Variants in CPNE4 observed in about 807,000 individuals in gnomAD.
CPNE4 encodes the protein copine-4.
In CPNE4, 25 loss-of-function variants were observed where a neutral mutation model predicts 67.9. That is an observed-to-expected ratio of 0.37 (90% CI 0.27 to 0.51). CPNE4 has a LOEUF of 0.51. CPNE4 is among the 20% of genes least tolerant of loss of function. The probability of loss-of-function intolerance (pLI) is 0.93; values close to 1 mark genes in which losing one functional copy is unlikely to be tolerated. For synonymous variants in CPNE4, 242 were observed against 244.9 expected (o/e 0.99, Z 0.11); for missense variants, 464 against 690.8 (o/e 0.67, Z 3.68).
intron 1 of CPNE4, among the ~76,000 whole-genome samples, chr3:131,932,652 T>C (rs1173570356): frequency 6.6e-5 from 10 of 151,824 alleles, no homozygotes; most frequent in Admixed American, 6.6e-4. Flanking sequence ...AAATAATTGA[T>C]AGAACACTTC....
chr3:131,744,121 C>A (rs2082428770), intron 2 of CPNE4, among the ~76,000 whole-genome samples: 1 of 151,354 alleles, frequency 6.6e-6, no homozygotes. Context: ...TTTAAAATAG[C>A]TAAAATGACT....
chr3:131,765,764 G>C (rs1159219155), intron 2 of CPNE4, among the ~76,000 whole-genome samples: 2 of 152,014 alleles, frequency 1.3e-5, no homozygotes, highest in African/African-American at 4.8e-5. Context: ...CTGAAGCTGA[G>C]GCAAATCTAG....
chr3:131,707,121 T>A (rs12634513), intron 3 of CPNE4, among the ~76,000 whole-genome samples: 12,119 of 152,270 alleles, frequency 0.08, 653 homozygotes, highest in Non-Finnish European at 0.11. Flanking sequence ...ACCAAATATA[T>A]TCACTTGCTA....
chr3:131,933,053 G>A (rs2071117984), intron 1 of CPNE4, among the ~76,000 whole-genome samples: 1 of 152,154 alleles, frequency 6.6e-6, no homozygotes, highest in African/African-American at 2.4e-5. Context: ...CAACATGGCT[G>A]ACACACTGAG....
chr3:132,037,295 C>CAT (rs10684727), upstream of CPNE4, among the ~76,000 whole-genome samples: 141,094 of 152,206 alleles, frequency 0.93, 65,672 homozygotes, highest in African/African-American at 0.98. Context: ...GCGCAGAAAA[C>CAT]GTGCAGCTTT....
intron 6 of CPNE4, among the ~76,000 whole-genome samples, chr3:131,670,816 G>GA (rs1467681436): frequency 3.5e-5 from 1 of 28,414 alleles, no homozygotes; most frequent in Non-Finnish European, 7.0e-5. Context: ...GGAATTTTTT[G>GA]TTTTTTTTTT....
chr3:131,803,383 T>A lies in CPNE4; in HGVS notation c.181-79758A>T, dbSNP rs75513812. On this transcript the variant is annotated intron_variant, in intron 2 of 15. Transcript: ENST00000429747. The stretch of plus-strand genomic sequence containing the variant: ...CAGTCAGTCCTACTCATTTAGTTTG[T>A]TATCTCTTTCTAGAGAACAAAAGCA... 2.6e-5 allele frequency among the ~76,000 whole-genome samples: 4 copies of A among 152,362 alleles called. No individual in the cohort carries two copies. In the East Asian group the frequency reaches 7.7e-4, roughly 29 times the overall value.
intron 2 of CPNE4, among the ~76,000 whole-genome samples, chr3:131,730,274 C>G (rs769835322): frequency 6.6e-6 from 1 of 151,906 alleles, no homozygotes; most frequent in Non-Finnish European, 1.5e-5. Flanking sequence ...CAATTTTTTT[C>G]TTTCCTAGGG....
At chr3:131,753,817 A>G (rs193089895) in intron 2 of CPNE4, among the ~76,000 whole-genome samples, 2 of 152,256 alleles carry the variant, frequency 1.3e-5, no homozygotes, top group East Asian at 1.9e-4. Context: ...TCATACATTA[A>G]TGGTGGGAAT....
chr3:131,541,423 C>T (rs574256942), intron 15 of CPNE4, among the ~76,000 whole-genome samples: 34 of 152,266 alleles, frequency 2.2e-4, no homozygotes, highest in Non-Finnish European at 4.6e-4. Flanking sequence ...TCTAATGGTT[C>T]TGCCTCAAGG....
At chr3:131,979,627 T>TA (rs1384084060) in intron 1 of CPNE4, among the ~76,000 whole-genome samples, 1 of 152,206 alleles carries the variant, frequency 6.6e-6, no homozygotes. Context: ...CGTGACTTTT[T>TA]ATCCATTCTG....
intron 7 of CPNE4, among the ~76,000 whole-genome samples, chr3:131,619,108 T>C (rs1940325325): frequency 6.6e-6 from 1 of 152,004 alleles, no homozygotes. Flanking sequence ...GATATGATTG[T>C]AGGTAAAATA....
chr3:131,988,988 T>C (rs974206774), intron 1 of CPNE4, among the ~76,000 whole-genome samples: 1 of 152,202 alleles, frequency 6.6e-6, no homozygotes, highest in African/African-American at 2.4e-5. Flanking sequence ...TTAGGACTCA[T>C]AAACTAATAG....
intron 2 of CPNE4, among the ~76,000 whole-genome samples, chr3:131,818,904 A>C (rs1486585792): frequency 6.6e-6 from 1 of 152,166 alleles, no homozygotes; most frequent in Non-Finnish European, 1.5e-5. Flanking sequence ...GTTTAAGACC[A>C]GCCTGGCCGA....
rs1262942897 is a variant in CPNE4 at position 131,800,526 on chromosome 3, G to A, written c.181-76901C>T. 5.9e-5 allele frequency among the ~76,000 whole-genome samples: 9 copies of A among 152,182 alleles called. No homozygotes were observed. In the East Asian group the frequency reaches 1.5e-3, roughly 26 times the overall value. ...GCTATTACTTGCCAAAATATTTAAC[G>A]GGTGAGAAAAGTAGGGACTCTCTCA... is the stretch of plus-strand genomic sequence containing the variant. On this transcript the variant is annotated intron_variant, in intron 2 of 15. Transcript: ENST00000429747.
chr3:131,632,960 C>T (rs2079271410), intron 7 of CPNE4, among the ~76,000 whole-genome samples: 1 of 152,138 alleles, frequency 6.6e-6, no homozygotes, highest in African/African-American at 2.4e-5. Context: ...CTCTCCAGTC[C>T]AGACCTTTCC....
intron 14 of CPNE4, among the ~76,000 whole-genome samples, chr3:131,549,725 T>G (rs967344648): frequency 3.3e-5 from 5 of 152,178 alleles, no homozygotes; most frequent in African/African-American, 9.6e-5. Flanking sequence ...GGTAGACATT[T>G]GACATGTGTC....
At chr3:131,831,100 A>G (rs983998155) in intron 2 of CPNE4, among the ~76,000 whole-genome samples, 2 of 152,076 alleles carry the variant, frequency 1.3e-5, no homozygotes, top group Non-Finnish European at 2.9e-5. Context: ...TAGGTAGTTC[A>G]TCTAGTATAT....
intron 7 of CPNE4, among the ~76,000 whole-genome samples, chr3:131,641,528 G>T (rs991845064): frequency 1.3e-5 from 2 of 152,126 alleles, no homozygotes; most frequent in African/African-American, 4.8e-5. Flanking sequence ...TTTTGGTGTG[G>T]ATGCAATGAA....
Sources: allele counts gnomAD v4.1 joint callset (sites outside exome capture counted in the v4.1 genomes callset), GRCh38; gene constraint gnomAD v4.1.1; transcripts MANE v1.5; gene names NCBI Gene and HGNC (gene_info 2026-07-23, HGNC 2026-07-21).